The following GNA14 variants were observed in gnomAD, a reference collection of about 807,000 sequenced individuals.
The protein encoded by GNA14 is G protein subunit alpha 14.
A neutral mutation model predicts 42.0 loss-of-function variants in GNA14; 50 were observed. That is an observed-to-expected ratio of 1.19 (90% CI 0.95 to 1.51). The LOEUF (loss-of-function observed/expected upper bound fraction) is 1.51. GNA14 is among the 40% of genes most tolerant of loss of function. GNA14 has a pLI of 0.00. For synonymous variants in GNA14, 173 were observed against 163.1 expected, an observed-to-expected ratio of 1.06 and a Z score of -0.46; for missense variants, 473 against 446.2, an observed-to-expected ratio of 1.06 and a Z score of -0.54.
chr9:77,639,348 A>G (rs1383356940), intron 1 of GNA14, among the ~76,000 whole-genome samples: 1 of 152,244 alleles, frequency 6.6e-6, no homozygotes, highest in African/African-American at 2.4e-5. Context: ...AATCCTCATA[A>G]TAGTACGTGC....
intron 1 of GNA14, among the ~76,000 whole-genome samples, chr9:77,548,722 A>G (rs1011639454): frequency 6.6e-6 from 1 of 152,170 alleles, no homozygotes; most frequent in Admixed American, 6.5e-5. Flanking sequence ...TTCCCCTCAC[A>G]TTATTTTCTA....
intron 1 of GNA14, among the ~76,000 whole-genome samples, chr9:77,605,583 C>T (rs982361638): frequency 3.9e-5 from 6 of 152,146 alleles, no homozygotes; most frequent in Non-Finnish European, 7.3e-5. Context: ...AAATACTACT[C>T]AGTCTTTAAA....
rs536660536 is a variant in GNA14 at position 77,453,346 on chromosome 9, C to T, written c.310-18824G>A. Among the ~76,000 whole-genome samples, 4 of 152,238 alleles carry T rather than the reference C, an allele frequency of 2.6e-5. No individual in the cohort carries two copies. The East Asian group carries it at 7.7e-4, about 29-fold the overall frequency. ...ACGCTACTCTTTATAAATTACCCAGCCTAAGGTATTCTGTTATAGCAGCCT... is the reference window on the plus strand; with the variant it reads ...ACGCTACTCTTTATAAATTACCCAGTCTAAGGTATTCTGTTATAGCAGCCT... On this transcript the variant is annotated intron_variant, in intron 2 of 6. Coordinates refer to ENST00000341700, the MANE Select transcript of GNA14 (RefSeq NM_004297.4).
chr9:77,437,561 A>T (rs1455679555), intron 2 of GNA14, among the ~76,000 whole-genome samples: 1 of 151,370 alleles, frequency 6.6e-6, no homozygotes, highest in African/African-American at 2.4e-5. Flanking sequence ...AGAGAGAGAG[A>T]AAGAGAGAGA....
chr9:77,425,439 T>A (rs1835437885), intron 6 of GNA14, 123 bp downstream of exon 6: 1 of 640,454 alleles, frequency 1.6e-6, no homozygotes, highest in Non-Finnish European at 2.7e-6. Context: ...AAGGTGGGAA[T>A]AGGGGGAGAG....
chr9:77,446,347 A>T (rs1323446663), intron 2 of GNA14, among the ~76,000 whole-genome samples: 1 of 152,216 alleles, frequency 6.6e-6, no homozygotes, highest in African/African-American at 2.4e-5. Flanking sequence ...TGGTTTCAGA[A>T]ACTTACTTGT....
intron 2 of GNA14, among the ~76,000 whole-genome samples, chr9:77,466,350 G>A (rs1007725182): frequency 8.6e-5 from 13 of 151,992 alleles, no homozygotes; most frequent in African/African-American, 3.1e-4. Context: ...CTCTCTTTAA[G>A]TTCACACCGA....
chr9:77,635,683 A>G (rs1824173613), intron 1 of GNA14, among the ~76,000 whole-genome samples: 1 of 152,168 alleles, frequency 6.6e-6, no homozygotes, highest in Admixed American at 6.5e-5. Flanking sequence ...CTATGGTGGC[A>G]TTTGCTTTTC....
At chr9:77,486,330 G>A (rs572421350) in intron 2 of GNA14, among the ~76,000 whole-genome samples, 3 of 152,278 alleles carry the variant, frequency 2.0e-5, no homozygotes, top group South Asian at 4.1e-4. Flanking sequence ...TAGAATCGAA[G>A]AGAGTTAGGG....
At chr9:77,444,729 C>T (rs1835787972) in intron 2 of GNA14, among the ~76,000 whole-genome samples, 1 of 152,192 alleles carries the variant, frequency 6.6e-6, no homozygotes. Context: ...CTCCGTGCAC[C>T]TCAGACTCCC....
At chr9:77,510,858 C>A (rs1456288352) in intron 2 of GNA14, among the ~76,000 whole-genome samples, 2 of 152,006 alleles carry the variant, frequency 1.3e-5, no homozygotes, top group African/African-American at 4.8e-5. Context: ...AGGGAAGACG[C>A]TGGTTGCCTG....
At chr9:77,533,411 C>A (rs1028850490) in intron 1 of GNA14, among the ~76,000 whole-genome samples, 6 of 152,172 alleles carry the variant, frequency 3.9e-5, no homozygotes, top group Non-Finnish European at 8.8e-5. Context: ...AACTTCTGAG[C>A]TCAGGCCATC....
chr9:77,486,270 C>A (rs1836658934), intron 2 of GNA14, among the ~76,000 whole-genome samples: 1 of 152,190 alleles, frequency 6.6e-6, no homozygotes, highest in Non-Finnish European at 1.5e-5. Context: ...GAACCAACCT[C>A]TTCTCACTTC....
intron 1 of GNA14, among the ~76,000 whole-genome samples, chr9:77,549,796 C>G (rs1427674654): frequency 2.6e-5 from 4 of 152,150 alleles, no homozygotes; most frequent in African/African-American, 9.6e-5. Context: ...CCCAAGGGAG[C>G]AATGAGGACA....
At chr9:77,517,232 T>A (rs568684726) in intron 2 of GNA14, among the ~76,000 whole-genome samples, 1 of 152,252 alleles carries the variant, frequency 6.6e-6, no homozygotes, top group African/African-American at 2.4e-5. Context: ...GTTCTTATGG[T>A]GTGGAGATGT....
At chr9:77,541,384 T>G (rs1241067914) in intron 1 of GNA14, among the ~76,000 whole-genome samples, 1 of 152,290 alleles carries the variant, frequency 6.6e-6, no homozygotes, top group Non-Finnish European at 1.5e-5. Flanking sequence ...GCCTGTAAGG[T>G]TTCTAATGAG....
Position 77,489,963 on chromosome 9 carries a change from C to T in GNA14, c.309+39106G>A, listed in dbSNP as rs887743667. On this transcript the variant is annotated intron_variant, in intron 2 of 6. Coordinates refer to ENST00000341700, the MANE Select transcript of GNA14 (RefSeq NM_004297.4). The stretch of plus-strand genomic sequence containing the variant: ...CTTATCTGGCCCCGCCCACATCCTG[C>T]TGATTGGTAGAGCCGAGCAGCCTGT... Among the ~76,000 whole-genome samples, 6 of 152,208 alleles carry T rather than the reference C, an allele frequency of 3.9e-5. No individual in the cohort carries two copies. In the South Asian group the frequency reaches 8.3e-4, roughly 21 times the overall value.
At chr9:77,466,649 G>A (rs1198437067) in intron 2 of GNA14, among the ~76,000 whole-genome samples, 1 of 151,930 alleles carries the variant, frequency 6.6e-6, no homozygotes, top group Non-Finnish European at 1.5e-5. Flanking sequence ...TCCCTTTCCT[G>A]TGCATAGGTC....
intron 6 of GNA14, 36 bp from the exon 7 acceptor site, chr9:77,424,205 G>C (rs755965630): frequency 1.9e-5 from 28 of 1,435,936 alleles, no homozygotes; most frequent in East Asian, 1.9e-4. Context: ...TAAAGACACA[G>C]ACTTAACACC....
Sources: allele counts gnomAD v4.1 joint callset (sites outside exome capture counted in the v4.1 genomes callset), GRCh38; gene constraint gnomAD v4.1.1; transcripts MANE v1.5; gene names NCBI Gene and HGNC (gene_info 2026-07-23, HGNC 2026-07-21).